The following AK8 variants were observed in gnomAD, a reference collection of about 807,000 sequenced individuals.
AK8 encodes adenylate kinase 8.
A neutral mutation model predicts 54.6 loss-of-function variants in AK8; 44 were observed. That is an observed-to-expected ratio of 0.81 (90% CI 0.63 to 1.04). The LOEUF (loss-of-function observed/expected upper bound fraction) is 1.04. AK8 is among the 50% of genes least tolerant of loss of function. AK8 has a pLI of 0.00. For synonymous variants in AK8, 239 were observed against 245.6 expected, an observed-to-expected ratio of 0.97 and a Z score of 0.25; for missense variants, 555 against 613.6, an observed-to-expected ratio of 0.90 and a Z score of 1.01.
chr9:132,744,657 CCAT>C (rs1336920170), intron 11 of AK8, among the ~76,000 whole-genome samples: 3 of 152,242 alleles, frequency 2.0e-5, no homozygotes, highest in African/African-American at 7.2e-5. Flanking sequence ...GGGGAAAAGT[CCAT>C]CAAGAGAACC....
rs1353713732 is a variant in AK8 at position 132,770,256 on chromosome 9, GCAGCCCCGCCAGCCCGGGCCCGGAGGCC to G, written c.1121+22350_1121+22377del. 6.6e-6 allele frequency: 1 copy of G among 152,326 alleles called. No homozygotes were observed. The highest frequency in any genetic ancestry group is 2.4e-5 in the African/African-American group (1 of 41,426). The allele number at this position is 152,326 out of a possible 1,614,324, so 9.4% of individuals were successfully genotyped here. A position where few individuals can be genotyped will look rare whatever the true frequency, so the allele number is the denominator to read the frequency against. ...TTAAAAGTGAAAGCGGAAACAAACA[GCAGCCCCGCCAGCCCGGGCCCGGAGGCC>G]CAGCCCCGCGCCAAGGGCCACCCCT... On this transcript the variant is annotated intron_variant, in intron 11 of 12. Coordinates refer to ENST00000298545, the MANE Select transcript of AK8 (RefSeq NM_152572.3). This position sits in a 1 kb window ranked among gnomAD's most constrained non-coding sequence, Gnocchi z 4.3.
intron 11 of AK8, among the ~76,000 whole-genome samples, chr9:132,748,782 G>C (rs1479736598): frequency 6.6e-6 from 1 of 151,946 alleles, no homozygotes; most frequent in African/African-American, 2.4e-5. Flanking sequence ...AGATCCACAA[G>C]TTGTTTGCTA....
At chr9:132,734,975 G>C (rs771991646) in intron 11 of AK8, among the ~76,000 whole-genome samples, 10 of 152,218 alleles carry the variant, frequency 6.6e-5, no homozygotes, top group Non-Finnish European at 1.0e-4. Flanking sequence ...AGGTTGCAGT[G>C]AGTGGAGATC....
intron 10 of AK8, among the ~76,000 whole-genome samples, chr9:132,812,046 T>C (rs1393263422): frequency 1.3e-5 from 2 of 152,098 alleles, no homozygotes; most frequent in South Asian, 2.1e-4. Flanking sequence ...CTTCCAGGCA[T>C]ACTATGGAAT....
rs1844232718 is a variant in AK8 at position 132,878,184 on chromosome 9, G to A, written c.72C>T (p.Phe24=). 4 of 1,492,488 alleles carry A rather than the reference G, an allele frequency of 2.7e-6. No homozygotes were observed. In the South Asian group the frequency reaches 4.1e-5, roughly 15 times the overall value. The allele number at this position is 1,492,488 out of a possible 1,614,324, so 92.5% of individuals were successfully genotyped here. Residue 24 remains phenylalanine (F), a synonymous_variant, in exon 1 of 13, where the codon TTC becomes TTT. Coordinates refer to ENST00000298545, the MANE Select transcript of AK8 (RefSeq NM_152572.3). This position sits in a 1 kb window ranked among gnomAD's most constrained non-coding sequence, Gnocchi z 4.7. Reference sequence around the variant, plus strand: ...GGTGTCCGGTCACCTGCATCAACTCGAAGATGTGGTTCTCCTCCCCGTACT... The same window carrying A: ...GGTGTCCGGTCACCTGCATCAACTCAAAGATGTGGTTCTCCTCCCCGTACT... ...MPQYGEENHI[F]ELMQNMLEQL...
At position 132,814,717 on chromosome 9, in the gene AK8, C is replaced by T. The variant is rs1841239141; in HGVS notation, c.900G>A (p.Gly300=). 6.2e-7 allele frequency: 1 copy of T among 1,613,734 alleles called. No individual in the cohort carries two copies. The highest frequency in any genetic ancestry group is 8.5e-7 in the Non-Finnish European group (1 of 1,179,950). The change falls in exon 10 of 13, where the codon GGG becomes GGA. Residue 300 remains glycine (G), a synonymous_variant. Coordinates refer to ENST00000298545, the MANE Select transcript of AK8 (RefSeq NM_152572.3). The stretch of plus-strand genomic sequence containing the variant: ...CTGCCACAGCCTCTTTCAGCAGTTG[C>T]CCACAGCAGACTGAAGGAGAGGGGA... ...QKYRLVNVCC[G]QLLKEAVADR... is the part of the protein sequence containing the mutation.
At chr9:132,814,094 A>G (rs1490622496) in intron 10 of AK8, among the ~76,000 whole-genome samples, 1 of 151,794 alleles carries the variant, frequency 6.6e-6, no homozygotes, top group Non-Finnish European at 1.5e-5. Flanking sequence ...CCTGGGCAAC[A>G]TGGAGAAATC....
At chr9:132,877,748 C>T (rs1460535397) in intron 1 of AK8, 2 of 436,346 alleles carry the variant, frequency 4.6e-6, no homozygotes, top group South Asian at 3.3e-5. Context: ...CAATGCCCAC[C>T]TCAGAAACCT....
At chr9:132,780,215 G>A (rs536878135) in intron 11 of AK8, among the ~76,000 whole-genome samples, 3 of 152,286 alleles carry the variant, frequency 2.0e-5, no homozygotes, top group Non-Finnish European at 4.4e-5. Context: ...AAAGCAGAGA[G>A]GAAGTTGAGA....
At chr9:132,802,623 C>T (rs980962425) in intron 10 of AK8, among the ~76,000 whole-genome samples, 3 of 152,314 alleles carry the variant, frequency 2.0e-5, no homozygotes, top group Middle Eastern at 3.4e-3. Flanking sequence ...TCCCAGGCAC[C>T]GGGCATGGCG....
At chr9:132,773,127 C>T (rs541727929) in intron 11 of AK8, among the ~76,000 whole-genome samples, 221 of 152,336 alleles carry the variant, frequency 1.5e-3, no homozygotes, top group Non-Finnish European at 1.1e-3. Flanking sequence ...ACCTCACCTG[C>T]GAGTCTCTCC....
At chr9:132,874,199 T>C (rs529082883) in intron 2 of AK8, 4 of 152,224 alleles carry the variant, frequency 2.6e-5, no homozygotes, top group African/African-American at 4.8e-5. Flanking sequence ...CCTAGGTCCA[T>C]GCAATGGCAT....
chr9:132,873,373 G>T (rs887972339), intron 2 of AK8, among the ~76,000 whole-genome samples: 3 of 152,050 alleles, frequency 2.0e-5, no homozygotes, highest in Admixed American at 6.5e-5. Flanking sequence ...AGAGAGCCAC[G>T]ATCTCTCACG....
intron 1 of AK8, among the ~76,000 whole-genome samples, chr9:132,875,567 T>C (rs1226779900): frequency 6.6e-6 from 1 of 152,244 alleles, no homozygotes; most frequent in Non-Finnish European, 1.5e-5. Flanking sequence ...TCCCTCAGCT[T>C]GGAAGCTTCT....
intron 5 of AK8, among the ~76,000 whole-genome samples, chr9:132,850,940 C>G (rs1004665274): frequency 2.0e-5 from 3 of 149,810 alleles, no homozygotes; most frequent in African/African-American, 7.3e-5. Context: ...TTCTGGGAGA[C>G]AGGAAATGTG....
chr9:132,826,769 C>T lies in AK8; in HGVS notation c.757+85G>A. 2 of 1,470,074 alleles carry T rather than the reference C, an allele frequency of 1.4e-6. No individual in the cohort carries two copies. Among genetic ancestry groups the T allele is most frequent in the African/African-American group, 2.8e-5 (2 of 71,838 alleles). The allele number at this position is 1,470,074 out of a possible 1,614,324, so 91.1% of individuals were successfully genotyped here. On this transcript the variant is annotated intron_variant, in intron 8 of 12. Coordinates refer to ENST00000298545, the MANE Select transcript of AK8 (RefSeq NM_152572.3). This position sits in a 1 kb window ranked among gnomAD's most constrained non-coding sequence, Gnocchi z 4.5. The stretch of plus-strand genomic sequence containing the variant: ...GCATGTCCCAGACACTGGCCACTAC[C>T]AGAATAAGGGACAAAGTGGTAGAAG...
At chr9:132,810,224 G>A (rs1170046541) in intron 10 of AK8, among the ~76,000 whole-genome samples, 1 of 152,234 alleles carries the variant, frequency 6.6e-6, no homozygotes, top group Non-Finnish European at 1.5e-5. Flanking sequence ...TAGGAAGAGC[G>A]AAAGTATAGA....
chr9:132,750,879 C>A (rs2131013806), intron 11 of AK8, among the ~76,000 whole-genome samples: 1 of 152,132 alleles, frequency 6.6e-6, no homozygotes, highest in East Asian at 1.9e-4. Context: ...GCCTGGAAGG[C>A]CTAACCCAGA....
At position 132,827,069 on chromosome 9, in the gene AK8, G is replaced by C. The variant is rs747394489; in HGVS notation, c.557-15C>G. Reference sequence around the variant, plus strand: ...GTGATAAATCTCTACAAGGAGAGAGGTGCACAGTTAGAAATGGCCATGCAG... The same window carrying C: ...GTGATAAATCTCTACAAGGAGAGAGCTGCACAGTTAGAAATGGCCATGCAG... On this transcript the variant is annotated splice_polypyrimidine_tract_variant and intron_variant, in intron 7 of 12. Transcript: ENST00000298545. 2.2e-5 allele frequency: 35 copies of C among 1,612,734 alleles called. No individual in the cohort carries two copies. Among genetic ancestry groups the C allele is most frequent in the South Asian group, 8.8e-5 (8 of 91,052 alleles).
Sources: gnomAD v4.1 joint callset for allele counts (sites outside exome capture counted in the v4.1 genomes callset) on GRCh38, gnomAD v4.1.1 for gene constraint, Gnocchi (gnomAD v3.1) non-coding constraint, MANE v1.5 for transcripts, NCBI Gene and HGNC (gene_info 2026-07-23, HGNC 2026-07-21) for gene names.